The following NXPH1 variants were observed in gnomAD, a reference collection of about 807,000 sequenced individuals.
The protein encoded by NXPH1 is neurexophilin 1, also known as neurexophilin-1.
A neutral mutation model predicts 23.7 loss-of-function variants in NXPH1; 5 were observed. The ratio of observed to expected loss-of-function variants is 0.21; its 90% CI spans 0.11 to 0.44. NXPH1 has a LOEUF of 0.44. Ranked by LOEUF, NXPH1 falls within the 20% of genes least tolerant of loss-of-function variation. The pLI is 0.99. For synonymous variants in NXPH1, 144 were observed against 122.2 expected (o/e 1.18, Z -1.18); for missense variants, 324 against 321.6 (o/e 1.01, Z -0.06).
chr7:8,503,977 G>A (rs12537067), intron 2 of NXPH1, among the ~76,000 whole-genome samples: 21,484 of 151,852 alleles, frequency 0.14, 1,743 homozygotes, highest in East Asian at 0.22. Context: ...TCCAGCCCTA[G>A]CTCTCCTGTC....
At chr7:8,476,925 G>A (rs1450098341) in intron 2 of NXPH1, among the ~76,000 whole-genome samples, 1 of 152,124 alleles carries the variant, frequency 6.6e-6, no homozygotes, top group Non-Finnish European at 1.5e-5. Flanking sequence ...AGATCACAAT[G>A]TACCTATTTC....
chr7:8,456,771 G>A (rs1045432872), intron 2 of NXPH1, among the ~76,000 whole-genome samples: 1 of 152,132 alleles, frequency 6.6e-6, no homozygotes, highest in Non-Finnish European at 1.5e-5. Context: ...GACTTTATGA[G>A]CCTTACAGTT....
intron 2 of NXPH1, among the ~76,000 whole-genome samples, chr7:8,707,390 A>C (rs1779721330): frequency 6.6e-6 from 1 of 152,180 alleles, no homozygotes; most frequent in Admixed American, 6.5e-5. Flanking sequence ...TATTATTAAG[A>C]CATGTTATAA....
rs1267892415 is a variant in NXPH1, at chr7:8,433,996, G to A, written c.-870G>A. ...CAGGAAGGTAGGCGTGCCAAGCCGCGGCTCTGCGGAGAAACCACGACCACC... is the reference window on the plus strand; with the variant it reads ...CAGGAAGGTAGGCGTGCCAAGCCGCAGCTCTGCGGAGAAACCACGACCACC... On this transcript the variant is annotated 5_prime_UTR_variant, in exon 1 of 3. Transcript: ENST00000405863. The surrounding 1 kb of genome is among the most constrained non-coding windows in gnomAD (Gnocchi z 6.8). 1 of 152,282 alleles carries A rather than the reference G, an allele frequency of 6.6e-6. No homozygotes were observed. The highest frequency in any genetic ancestry group is 1.5e-5 in the Non-Finnish European group (1 of 68,104). The allele number at this position is 152,282 out of a possible 1,614,324, so 9.4% of individuals were successfully genotyped here.
At chr7:8,528,543 GA>G (rs1427373962) in intron 2 of NXPH1, among the ~76,000 whole-genome samples, 1 of 152,198 alleles carries the variant, frequency 6.6e-6, no homozygotes, top group Non-Finnish European at 1.5e-5. Flanking sequence ...CTTGTTTTAA[GA>G]GTCTTTATCT....
intron 2 of NXPH1, among the ~76,000 whole-genome samples, chr7:8,621,732 TG>T (rs1401519738): frequency 6.6e-6 from 1 of 152,164 alleles, no homozygotes; most frequent in Non-Finnish European, 1.5e-5. Context: ...GTGATCCACC[TG>T]CCTTGGCCTC....
intron 2 of NXPH1, among the ~76,000 whole-genome samples, chr7:8,553,077 C>G (rs1327575061): frequency 1.7e-4 from 25 of 151,432 alleles, no homozygotes; most frequent in Admixed American, 1.6e-3. Flanking sequence ...TAAAACTTGA[C>G]TAGAGGCAAA....
At chr7:8,662,180 A>C (rs1820686503) in intron 2 of NXPH1, among the ~76,000 whole-genome samples, 1 of 75,298 alleles carries the variant, frequency 1.3e-5, no homozygotes, top group South Asian at 6.6e-4. Flanking sequence ...TTATATATAT[A>C]TATATATATA....
chr7:8,615,275 C>T (rs769988961), intron 2 of NXPH1, among the ~76,000 whole-genome samples: 10 of 152,030 alleles, frequency 6.6e-5, no homozygotes, highest in Non-Finnish European at 1.3e-4. Flanking sequence ...AGGCAGTGCG[C>T]ATGGTGGCTA....
intron 2 of NXPH1, among the ~76,000 whole-genome samples, chr7:8,485,396 A>G (rs1453993159): frequency 6.6e-6 from 1 of 152,168 alleles, no homozygotes; most frequent in Non-Finnish European, 1.5e-5. Flanking sequence ...ACAGACTAAT[A>G]CACCAAGCCG....
chr7:8,625,130 A>G (rs1185796320), intron 2 of NXPH1, among the ~76,000 whole-genome samples: 1 of 152,116 alleles, frequency 6.6e-6, no homozygotes, highest in Admixed American at 6.6e-5. Context: ...GTAGAAATAG[A>G]ATTATCCTAT....
intron 2 of NXPH1, among the ~76,000 whole-genome samples, chr7:8,617,151 A>G (rs905396850): frequency 6.6e-6 from 1 of 152,108 alleles, no homozygotes; most frequent in Non-Finnish European, 1.5e-5. Flanking sequence ...AAACCATCCT[A>G]CAATGCGCAG....
chr7:8,480,138 C>T (rs1479819375), intron 2 of NXPH1, among the ~76,000 whole-genome samples: 3 of 151,986 alleles, frequency 2.0e-5, no homozygotes, highest in African/African-American at 7.2e-5. Flanking sequence ...TCTTAGGTAG[C>T]TGACATAGGT....
At chr7:8,697,903 A>G (rs1219576169) in intron 2 of NXPH1, among the ~76,000 whole-genome samples, 1 of 152,204 alleles carries the variant, frequency 6.6e-6, no homozygotes, top group Non-Finnish European at 1.5e-5. Flanking sequence ...GATCACAGAG[A>G]TGACTCCTAT....
intron 2 of NXPH1, among the ~76,000 whole-genome samples, chr7:8,739,542 C>T (rs1343745033): frequency 6.6e-6 from 1 of 152,136 alleles, no homozygotes; most frequent in Non-Finnish European, 1.5e-5. Flanking sequence ...AAGTCACCCG[C>T]CTTTTGCATT....
chr7:8,556,532 T>A (rs1014535689), intron 2 of NXPH1, among the ~76,000 whole-genome samples: 2 of 151,648 alleles, frequency 1.3e-5, no homozygotes, highest in African/African-American at 4.8e-5. Flanking sequence ...GATCAATGAG[T>A]TCCGAGAATG....
chr7:8,604,585 A>G (rs1331190926), intron 2 of NXPH1, among the ~76,000 whole-genome samples: 1 of 152,138 alleles, frequency 6.6e-6, no homozygotes, highest in East Asian at 1.9e-4. Context: ...TATAATTTTC[A>G]GTCAAACTTT....
intron 2 of NXPH1, among the ~76,000 whole-genome samples, chr7:8,701,059 A>G (rs1365652255): frequency 6.6e-6 from 1 of 152,040 alleles, no homozygotes; most frequent in East Asian, 1.9e-4. Context: ...TCTTAAAACC[A>G]CTGAATCACC....
intron 2 of NXPH1, among the ~76,000 whole-genome samples, chr7:8,550,420 G>A (rs1818260057): frequency 6.6e-6 from 1 of 151,664 alleles, no homozygotes; most frequent in Non-Finnish European, 1.5e-5. Flanking sequence ...CAACCCTTGG[G>A]TTCCACTGTT....
Sources: gnomAD v4.1 joint callset for allele counts (sites outside exome capture counted in the v4.1 genomes callset) on GRCh38, gnomAD v4.1.1 for gene constraint, Gnocchi (gnomAD v3.1) non-coding constraint, MANE v1.5 for transcripts, NCBI Gene and HGNC (gene_info 2026-07-23, HGNC 2026-07-21) for gene names.